Variants in RPH3A observed in about 807,000 individuals in gnomAD.
RPH3A encodes the protein rabphilin 3A, also known as rabphilin-3A.
A neutral mutation model predicts 102.2 loss-of-function variants in RPH3A; 48 were observed. That is an observed-to-expected ratio of 0.47 (90% CI 0.37 to 0.60). The LOEUF is 0.60. RPH3A is among the 20% of genes least tolerant of loss of function. The probability of loss-of-function intolerance (pLI) is 0.00; values close to 1 mark genes in which losing one functional copy is unlikely to be tolerated. For synonymous variants in RPH3A, 310 were observed against 324.3 expected, an observed-to-expected ratio of 0.96 and a Z score of 0.47; for missense variants, 781 against 910.1, an observed-to-expected ratio of 0.86 and a Z score of 1.83.
chr12:112,852,541 T>C (rs570027685), intron 5 of RPH3A, among the ~76,000 whole-genome samples: 13 of 152,202 alleles, frequency 8.5e-5, no homozygotes, highest in Non-Finnish European at 1.6e-4. Flanking sequence ...CCACGCTAGC[T>C]AGAGTCTCCC....
intron 1 of RPH3A, among the ~76,000 whole-genome samples, chr12:112,629,143 C>A (rs2039785898): frequency 6.6e-6 from 1 of 151,994 alleles, no homozygotes; most frequent in African/African-American, 2.4e-5. Flanking sequence ...CAGAAAGGGA[C>A]CTGGAGACAC....
rs112146970 is a variant in RPH3A, at chr12:112,865,450, C to T, written c.267C>T (p.Asn89=). The change falls in exon 6 of 22, where the codon AAC becomes AAT. Residue 89 remains asparagine, a synonymous_variant. Transcript: ENST00000389385. ...ACCGCCTAGAAAACATGAGGAAGAA[C>T]GTGGCTGGAGATGGGGTGAACCGCT... ...LVDRLENMRK[N]VAGDGVNRCI... The T allele has an allele frequency of 3.0e-5, 48 of 1,614,028 alleles. 1 individual carries two copies. Among genetic ancestry groups the T allele is most frequent in the African/African-American group, 2.4e-4 (18 of 75,020 alleles).
At chr12:112,864,374 C>G (rs1232799376) in intron 5 of RPH3A, among the ~76,000 whole-genome samples, 1 of 151,048 alleles carries the variant, frequency 6.6e-6, no homozygotes, top group East Asian at 1.9e-4. Flanking sequence ...TTGCTTGAAC[C>G]CGGGAGGCAG....
At chr12:112,664,287 G>T (rs975475703) in intron 1 of RPH3A, among the ~76,000 whole-genome samples, 3 of 152,170 alleles carry the variant, frequency 2.0e-5, no homozygotes, top group African/African-American at 7.2e-5. Context: ...GAGCCATGAT[G>T]AGGAGTTAGG....
intron 1 of RPH3A, among the ~76,000 whole-genome samples, chr12:112,657,291 T>C (rs994061143): frequency 2.6e-5 from 4 of 151,542 alleles, no homozygotes; most frequent in Non-Finnish European, 4.4e-5. Context: ...ATGGCGTTAT[T>C]TTTTTTTTCT....
At chr12:112,588,018 C>T (rs536142305) in intron 1 of RPH3A, among the ~76,000 whole-genome samples, 1 of 152,108 alleles carries the variant, frequency 6.6e-6, no homozygotes, top group African/African-American at 2.4e-5. Context: ...TCTGTGTTTC[C>T]TGCTCATGCT....
intron 21 of RPH3A, among the ~76,000 whole-genome samples, chr12:112,896,209 G>A (rs1052188560): frequency 6.6e-6 from 1 of 152,136 alleles, no homozygotes; most frequent in Non-Finnish European, 1.5e-5. Flanking sequence ...TTTAGTTCCT[G>A]TTTGAATCAT....
At chr12:112,777,853 A>T (rs2040979349) in intron 1 of RPH3A, among the ~76,000 whole-genome samples, 1 of 152,212 alleles carries the variant, frequency 6.6e-6, no homozygotes, top group Non-Finnish European at 1.5e-5. Flanking sequence ...CTGAGCTAGG[A>T]TAAAAGGTAG....
At chr12:112,827,557 C>G (rs2041899318) in intron 2 of RPH3A, among the ~76,000 whole-genome samples, 1 of 152,148 alleles carries the variant, frequency 6.6e-6, no homozygotes, top group African/African-American at 2.4e-5. Context: ...TGCATTAAGT[C>G]AGGCAGGGAT....
intron 1 of RPH3A, among the ~76,000 whole-genome samples, chr12:112,625,171 G>A (rs1485506541): frequency 5.9e-5 from 5 of 84,852 alleles, no homozygotes; most frequent in Admixed American, 1.6e-4. Context: ...CTCTCTCACC[G>A]CTCCTATTCA....
intron 1 of RPH3A, among the ~76,000 whole-genome samples, chr12:112,734,764 C>A (rs1017260682): frequency 1.3e-5 from 2 of 152,176 alleles, no homozygotes; most frequent in African/African-American, 4.8e-5. Context: ...CTGACTTTGC[C>A]ATGGCATCTG....
intron 5 of RPH3A, among the ~76,000 whole-genome samples, chr12:112,854,946 G>T (rs965572216): frequency 2.0e-5 from 3 of 152,216 alleles, no homozygotes; most frequent in African/African-American, 7.2e-5. Flanking sequence ...GAAGTTAATT[G>T]ATCGTTTCAT....
At chr12:112,713,455 G>A (rs1402166039) in intron 1 of RPH3A, among the ~76,000 whole-genome samples, 1 of 152,064 alleles carries the variant, frequency 6.6e-6, no homozygotes, top group East Asian at 1.9e-4. Flanking sequence ...GTGTAGAAAA[G>A]AGAGCATATT....
Position 112,898,312 on chromosome 12 carries a change from C to T in RPH3A, c.*1532C>T, listed in dbSNP as rs148791271. ...TCTTCAATGCCCTGTGAGAAAGGTT[C>T]GATTTTCCCAATTTTGATGAAGTCT... On this transcript the variant is annotated 3_prime_UTR_variant, in exon 22 of 22. Transcript: ENST00000389385. 3 of 152,314 alleles carry T rather than the reference C, an allele frequency of 2.0e-5. No individual in the cohort carries two copies. Among genetic ancestry groups the T allele is most frequent in the South Asian group, 2.1e-4 (1 of 4,814 alleles). The allele number at this position is 152,314 out of a possible 1,614,324, so 9.4% of individuals were successfully genotyped here.
At chr12:112,727,376 G>T (rs2040598064) in intron 1 of RPH3A, among the ~76,000 whole-genome samples, 1 of 125,790 alleles carries the variant, frequency 7.9e-6, no homozygotes, top group Non-Finnish European at 1.6e-5. Flanking sequence ...GGGCGACAGA[G>T]CAAGACTCTG....
intron 1 of RPH3A, among the ~76,000 whole-genome samples, chr12:112,594,156 T>C (rs1465341727): frequency 1.3e-5 from 2 of 152,220 alleles, no homozygotes; most frequent in Non-Finnish European, 2.9e-5. Flanking sequence ...TTTATCTCTC[T>C]GACTTCTAGT....
At chr12:112,786,498 T>G (rs2041053014) in intron 1 of RPH3A, among the ~76,000 whole-genome samples, 1 of 152,174 alleles carries the variant, frequency 6.6e-6, no homozygotes, top group African/African-American at 2.4e-5. Flanking sequence ...TTTCTTCCCT[T>G]TTGTGTCCCT....
rs376863444 is a variant in RPH3A, at chr12:112,847,823, A to G, written c.211A>G (p.Met71Val). 6 of 1,614,170 alleles carry G rather than the reference A, an allele frequency of 3.7e-6. No homozygotes were observed. Among genetic ancestry groups the G allele is most frequent in the Non-Finnish European group, 2.5e-6 (3 of 1,180,022 alleles). ...VIARAEKMEE[M>V]EQERIGRLVD... ...TGCTCGAGCTGAGAAAATGGAAGAGATGGAGCAGGAGCGAATCGGGTGAGG... is the reference window on the plus strand; with the variant it reads ...TGCTCGAGCTGAGAAAATGGAAGAGGTGGAGCAGGAGCGAATCGGGTGAGG... Residue 71 changes from methionine to valine, a missense_variant, in exon 5 of 22, where the codon ATG (methionine) becomes GTG (valine). By Grantham distance (21) the Met-to-Val change is conservative. Around this residue, in one of 2 missense-constraint regions of RPH3A, gnomAD observed 730 missense variants for 810.0 expected, o/e 0.90. Transcript: ENST00000389385.
intron 5 of RPH3A, among the ~76,000 whole-genome samples, chr12:112,864,103 G>C (rs1461943694): frequency 6.6e-6 from 1 of 152,224 alleles, no homozygotes; most frequent in African/African-American, 2.4e-5. Flanking sequence ...TGCTAGTAGA[G>C]TGAATAAAAT....
Sources: gnomAD v4.1 joint callset for allele counts (sites outside exome capture counted in the v4.1 genomes callset) on GRCh38, gnomAD v4.1.1 for gene constraint, gnomAD v4.1.1 regional missense constraint, MANE v1.5 for transcripts, NCBI Gene and HGNC (gene_info 2026-07-23, HGNC 2026-07-21) for gene names.